PRDM8: variants seen among roughly 807,000 people sequenced by gnomAD.
PRDM8 encodes the protein PR domain zinc finger protein 8.
Under a neutral mutation model 46.5 loss-of-function variants are expected in PRDM8, and 13 were observed. That is an observed-to-expected ratio of 0.28 (90% CI 0.18 to 0.44). The LOEUF is 0.44. PRDM8 is among the 20% of genes least tolerant of loss of function. PRDM8 has a pLI of 1.00. For missense variants in PRDM8, 998 were observed against 955.0 expected, an observed-to-expected ratio of 1.04 and a Z score of -0.59; for synonymous variants, 473 against 438.4, an observed-to-expected ratio of 1.08 and a Z score of -0.98.
chr4:80,188,586 G>C (rs1560465283), intron 1 of PRDM8, among the ~76,000 whole-genome samples: 1 of 152,190 alleles, frequency 6.6e-6, no homozygotes, highest in Non-Finnish European at 1.5e-5. Context: ...CCCGGGTTCA[G>C]ACCTGAGTGT....
chr4:80,193,780 A>G (rs1342702241), upstream of PRDM8, among the ~76,000 whole-genome samples: 6 of 152,014 alleles, frequency 3.9e-5, no homozygotes, highest in Non-Finnish European at 8.8e-5. Flanking sequence ...CTTATCTTCC[A>G]GTGTGTGGGT....
intron 1 of PRDM8, among the ~76,000 whole-genome samples, chr4:80,187,841 C>T (rs1737240849): frequency 6.6e-6 from 1 of 152,218 alleles, no homozygotes; most frequent in Admixed American, 6.5e-5. Context: ...CAAATGCCTA[C>T]TGGCAACCTG....
In PRDM8 at chr4:80,200,164, C is replaced by A. The variant is rs2075802623; in HGVS notation, c.84C>A (p.Ser28Arg). 6.2e-7 allele frequency: 1 copy of A among 1,614,086 alleles called. No homozygotes were observed. Among genetic ancestry groups the A allele is most frequent in the African/African-American group, 1.3e-5 (1 of 75,042 alleles). The change falls in exon 2 of 4, where the codon AGC (serine) becomes AGA (arginine). Residue 28 changes from serine to arginine, a missense_variant. Ser to Arg is a moderately radical substitution (Grantham distance 110). Coordinates refer to ENST00000415738, the MANE Select transcript of PRDM8 (RefSeq NM_001099403.2). ...AATGTCTGACAGATATTTTTACCAG[C>A]GTTTACACCACCTGCGACATCCCTG... ...VQQCLTDIFT[S>R]VYTTCDIPEN...
rs2109878137 is a variant in PRDM8, at chr4:80,202,073, G to A, written c.611G>A (p.Gly204Asp). Residue 204 changes from glycine to aspartate, a missense_variant, in exon 4 of 4, where the codon GGC (glycine) becomes GAC (aspartate). Transcript: ENST00000415738. ...GGGVGTKDHG[G>D]GGGGGKDQQQ... ...GGCGTGGGCACCAAGGACCACGGGG[G>A]CGGCGGCGGCGGTGGCAAAGACCAG... The A allele has an allele frequency of 6.2e-7, 1 of 1,613,320 alleles. No homozygotes were observed. The highest frequency in any genetic ancestry group is 8.5e-7 in the Non-Finnish European group (1 of 1,179,726).
At chr4:80,188,074 G>A (rs1349756099) in intron 1 of PRDM8, among the ~76,000 whole-genome samples, 1 of 152,076 alleles carries the variant, frequency 6.6e-6, no homozygotes, top group African/African-American at 2.4e-5. Context: ...TTCCACAAGG[G>A]TCACCTAACT....
rs1451922805 is a variant in PRDM8, at chr4:80,203,681, G to A, written c.*149G>A. 2.4e-6 allele frequency: 3 copies of A among 1,270,488 alleles called. No homozygotes were observed. Among genetic ancestry groups the A allele is most frequent in the African/African-American group, 2.7e-5 (1 of 36,908 alleles). The allele number at this position is 1,270,488 out of a possible 1,614,324, so 78.7% of individuals were successfully genotyped here. A position where few individuals can be genotyped will look rare whatever the true frequency, so the allele number is the denominator to read the frequency against. ...CACCGCCCCCCCGCCCCCCCAACGC[G>A]CACACACACGTCCTCTCCTCCCAGG... On this transcript the variant is annotated 3_prime_UTR_variant, in exon 4 of 4. Transcript: ENST00000415738.
chr4:80,194,962 T>C (rs531424053), upstream of PRDM8, among the ~76,000 whole-genome samples: 3 of 152,282 alleles, frequency 2.0e-5, no homozygotes, highest in Admixed American at 2.0e-4. Context: ...AAAAGAAATA[T>C]AGTTTAAATG....
rs1045840735 is a variant in PRDM8 at position 80,203,269 on chromosome 4, C to A, written c.1807C>A (p.Leu603Met). ...GGCGGCGGCCGCGGGGCCCTTGCAG[C>A]TGCAGCTGCCCTCGGCGCTCACGCT... ...AAAAAAGPLQLQLPSALTLLP... is the reference protein window; with the variant it reads ...AAAAAAGPLQMQLPSALTLLP... The change falls in exon 4 of 4, where the codon CTG (leucine) becomes ATG (methionine). Residue 603 changes from leucine (L) to methionine (M), a missense_variant. Coordinates refer to ENST00000415738, the MANE Select transcript of PRDM8 (RefSeq NM_001099403.2). The A allele has an allele frequency of 5.7e-6, 9 of 1,586,532 alleles. No individual in the cohort carries two copies. The African/African-American group carries it at 1.2e-4, about 21-fold the overall frequency.
intron 1 of PRDM8, among the ~76,000 whole-genome samples, chr4:80,188,521 A>G (rs1320253586): frequency 9.9e-5 from 15 of 152,212 alleles, no homozygotes; most frequent in Non-Finnish European, 8.8e-5. Context: ...TGAAGATACT[A>G]AATTTCAGAG....
intron 1 of PRDM8, among the ~76,000 whole-genome samples, chr4:80,187,079 G>T (rs572827806): frequency 1.3e-5 from 2 of 152,290 alleles, no homozygotes; most frequent in South Asian, 4.1e-4. Flanking sequence ...CCAAGTTGTG[G>T]CTCCTTCTCA....
At position 80,203,765 on chromosome 4, in the gene PRDM8, C is replaced by A. The variant is rs1738779799; in HGVS notation, c.*233C>A. 1 of 468,012 alleles carries A rather than the reference C, an allele frequency of 2.1e-6. No homozygotes were observed. Among genetic ancestry groups the A allele is most frequent in the Admixed American group, 4.1e-5 (1 of 24,622 alleles). The allele number at this position is 468,012 out of a possible 1,614,324, so 29.0% of individuals were successfully genotyped here. On this transcript the variant is annotated 3_prime_UTR_variant, in exon 4 of 4. Coordinates refer to ENST00000415738, the MANE Select transcript of PRDM8 (RefSeq NM_001099403.2). ...CCCCCCCCACACACACACACAGACA[C>A]ACTCACACACAAGAGCCAGGATGGT...
Position 80,203,714 on chromosome 4 carries a change from T to G in PRDM8, c.*182T>G. 4 of 893,534 alleles carry G rather than the reference T, an allele frequency of 4.5e-6. No individual in the cohort carries two copies. Among genetic ancestry groups the G allele is most frequent in the South Asian group, 1.8e-5 (1 of 54,212 alleles). 55.4% of individuals were successfully genotyped at this position (893,534 alleles called of 1,614,324 possible). Reference sequence around the variant, plus strand: ...ACGTCCTCTCCTCCCAGGAACCTCATTCAAATATTTACCCGGGACACACAC... The same window carrying G: ...ACGTCCTCTCCTCCCAGGAACCTCAGTCAAATATTTACCCGGGACACACAC... On this transcript the variant is annotated 3_prime_UTR_variant, in exon 4 of 4. Coordinates refer to ENST00000415738, the MANE Select transcript of PRDM8 (RefSeq NM_001099403.2).
In PRDM8 at chr4:80,200,094, G is replaced by A. The variant is rs372824214; in HGVS notation, c.14G>A (p.Gly5Asp). ...CTATCTCCAGTGATGGAGGATACTGGCATCCAGCGAGGCATCTGGGATGGA... is the reference window on the plus strand; with the variant it reads ...CTATCTCCAGTGATGGAGGATACTGACATCCAGCGAGGCATCTGGGATGGA... MEDT[G>D]IQRGIWDGDA... The change falls in exon 2 of 4, where the codon GGC becomes GAC. Residue 5 changes from glycine to aspartate, a missense_variant. Coordinates refer to ENST00000415738, the MANE Select transcript of PRDM8 (RefSeq NM_001099403.2). 3.7e-5 allele frequency: 59 copies of A among 1,613,150 alleles called. No individual in the cohort carries two copies. The highest frequency in any genetic ancestry group is 1.2e-4 in the Admixed American group (7 of 59,982).
upstream of PRDM8, chr4:80,196,036 G>A: frequency 2.0e-6 from 2 of 984,002 alleles, no homozygotes; most frequent in Non-Finnish European, 2.4e-6. Context: ...TGGCCTCCTG[G>A]GACTGCAGTC....
At position 80,201,343 on chromosome 4, in the gene PRDM8, G is replaced by A. The variant is rs1193644361; in HGVS notation, c.273G>A (p.Leu91=). 1 of 1,614,198 alleles carries A rather than the reference G, an allele frequency of 6.2e-7. No homozygotes were observed. Among genetic ancestry groups the A allele is most frequent in the Non-Finnish European group, 8.5e-7 (1 of 1,180,038 alleles). The part of the protein sequence containing the change: ...GSSEGLMWLR[L]VQSARDKEEQ... The stretch of plus-strand genomic sequence containing the variant: ...CAGAAGGTCTCATGTGGCTGCGGTT[G>A]GTCCAATCGGCCAGAGATAAGGAAG... Residue 91 remains leucine, a synonymous_variant, in exon 3 of 4, where the codon TTG becomes TTA. Coordinates refer to ENST00000415738, the MANE Select transcript of PRDM8 (RefSeq NM_001099403.2).
rs1434192262 is a variant in PRDM8, at chr4:80,201,985, C to A, written c.523C>A (p.Arg175Ser). The A allele has an allele frequency of 1.2e-6, 2 of 1,614,122 alleles. No homozygotes were observed. The highest frequency in any genetic ancestry group is 1.7e-6 in the Non-Finnish European group (2 of 1,180,012). ...QFEFPYVAHL[R>S]FRCPKRLHSA... ...TGAGTTCCCCTATGTGGCGCATCTG[C>A]GTTTCCGCTGCCCCAAGAGACTTCA... is the stretch of plus-strand genomic sequence containing the variant. The change falls in exon 4 of 4, where the codon CGT becomes AGT. Residue 175 changes from arginine (R) to serine (S), a missense_variant. Physicochemically the swap from Arg to Ser is moderately radical, Grantham distance 110. Transcript: ENST00000415738.
chr4:80,203,036 C>G lies in PRDM8; in HGVS notation c.1574C>G (p.Pro525Arg), dbSNP rs1434836388. The G allele has an allele frequency of 4.5e-6, 7 of 1,546,446 alleles. No individual in the cohort carries two copies. In the African/African-American group the frequency reaches 9.8e-5, roughly 22 times the overall value. ...VLGQKLGALE[P>R]CHPADGVGPT... ...GGCCAGAAGCTGGGCGCGCTCGAGC[C>G]ATGCCACCCCGCCGACGGCGTGGGC... Residue 525 changes from proline (P) to arginine (R), a missense_variant, in exon 4 of 4, where the codon CCA becomes CGA. Physicochemically the swap from Pro to Arg is moderately radical, Grantham distance 103. Coordinates refer to ENST00000415738, the MANE Select transcript of PRDM8 (RefSeq NM_001099403.2).
chr4:80,198,824 G>T lies in PRDM8; in HGVS notation c.-3+1061G>T, dbSNP rs115844172. ...AAAAGAATTAGATCTACTCTTTCCTGCTACTTTAATTATATAAAACATACA... is the reference window on the plus strand; with the variant it reads ...AAAAGAATTAGATCTACTCTTTCCTTCTACTTTAATTATATAAAACATACA... On this transcript the variant is annotated intron_variant, in intron 1 of 3. Coordinates refer to ENST00000415738, the MANE Select transcript of PRDM8 (RefSeq NM_001099403.2). Among the ~76,000 whole-genome samples the T allele has an allele frequency of 6.2e-3, 944 of 152,156 alleles. 8 individuals carry two copies. The highest frequency in any genetic ancestry group is 0.022 in the African/African-American group (894 of 41,510).
At chr4:80,192,568 C>T (rs553079031), upstream of PRDM8, among the ~76,000 whole-genome samples, 1 of 152,330 alleles carries the variant, frequency 6.6e-6, no homozygotes, top group African/African-American at 2.4e-5. Flanking sequence ...GGAGAACTGG[C>T]TACAACCAGT....
Sources: gnomAD v4.1 joint callset for allele counts (sites outside exome capture counted in the v4.1 genomes callset) on GRCh38, gnomAD v4.1.1 for gene constraint, MANE v1.5 for transcripts, NCBI Gene and HGNC (gene_info 2026-07-23, HGNC 2026-07-21) for gene names.